Variants in PIWIL3 observed in about 807,000 individuals in gnomAD.
PIWIL3 encodes piwi like RNA-mediated gene silencing 3, also known as piwi-like protein 3.
In PIWIL3, 101 loss-of-function variants were observed where a neutral mutation model predicts 109.7. The observed-to-expected ratio is 0.92, with a 90% CI of 0.78 to 1.09. PIWIL3 has a LOEUF of 1.09. Ranked by LOEUF, PIWIL3 falls within the 50% of genes least tolerant of loss-of-function variation. PIWIL3 has a pLI of 0.00. For synonymous variants in PIWIL3, 373 were observed against 376.4 expected, an observed-to-expected ratio of 0.99 and a Z score of 0.10; for missense variants, 1,031 against 1,072.6, an observed-to-expected ratio of 0.96 and a Z score of 0.54.
At chr22:24,736,692 A>G (rs757484922) in intron 12 of PIWIL3, among the ~76,000 whole-genome samples, 2 of 151,330 alleles carry the variant, frequency 1.3e-5, no homozygotes, top group Non-Finnish European at 3.0e-5. Context: ...TGAAGGTAGG[A>G]AAAACAGTCT....
rs151267623 is a variant in PIWIL3 at position 24,746,512 on chromosome 22, C to T, written c.1449+2395G>A. ...CAAGATCTAGAATACAACAAGGATGCTCCCTGTCACCATTGTTATTCAACA... is the reference window on the plus strand; with the variant it reads ...CAAGATCTAGAATACAACAAGGATGTTCCCTGTCACCATTGTTATTCAACA... On this transcript the variant is annotated intron_variant, in intron 12 of 20. Transcript: ENST00000616349. Among the ~76,000 whole-genome samples the T allele has an allele frequency of 1.2e-4, 18 of 152,068 alleles. No homozygotes were observed. The South Asian group carries it at 1.7e-3, about 14-fold the overall frequency.
At chr22:24,723,832 G>A (rs549833288) in intron 18 of PIWIL3, among the ~76,000 whole-genome samples, 40 of 152,188 alleles carry the variant, frequency 2.6e-4, no homozygotes, top group Admixed American at 9.8e-4. Flanking sequence ...GCACCACCAC[G>A]CCTGGCTAAT....
intron 12 of PIWIL3, among the ~76,000 whole-genome samples, chr22:24,744,643 A>C (rs369395446): frequency 1.3e-5 from 2 of 152,332 alleles, no homozygotes; most frequent in East Asian, 3.9e-4. Context: ...AAACTATGAG[A>C]CAAAGAAGGT....
intron 5 of PIWIL3, 92 bp downstream of exon 5, chr22:24,756,399 C>T: frequency 3.1e-6 from 4 of 1,290,826 alleles, no homozygotes; most frequent in African/African-American, 1.5e-5. Context: ...GATGTCTCAA[C>T]AAACAACTGC....
chr22:24,730,671 T>G (rs1923298425), intron 14 of PIWIL3, among the ~76,000 whole-genome samples: 1 of 152,142 alleles, frequency 6.6e-6, no homozygotes. Context: ...CACTAAAATA[T>G]AAGATTAAAA....
chr22:24,729,573 T>TA (rs755933891), intron 14 of PIWIL3, among the ~76,000 whole-genome samples: 3 of 152,164 alleles, frequency 2.0e-5, no homozygotes, highest in Non-Finnish European at 2.9e-5. Context: ...ACTAAGCAGT[T>TA]AGGCAGACTG....
At chr22:24,767,378 A>T (rs143527631) in intron 1 of PIWIL3, among the ~76,000 whole-genome samples, 10,266 of 151,006 alleles carry the variant, frequency 0.068, 413 homozygotes, top group South Asian at 0.1. Flanking sequence ...TCTACTAAAA[A>T]AAATAAATAA....
At chr22:24,749,377 ACACT>A in intron 11 of PIWIL3, 23 bp downstream of exon 11, 3 of 1,612,082 alleles carry the variant, frequency 1.9e-6, no homozygotes, top group Non-Finnish European at 2.5e-6. Context: ...ACATGTACAC[ACACT>A]CAGCCAGAAA....
intron 14 of PIWIL3, among the ~76,000 whole-genome samples, chr22:24,733,720 A>C (rs1175300981): frequency 6.6e-6 from 1 of 152,088 alleles, no homozygotes; most frequent in South Asian, 2.1e-4. Flanking sequence ...CAACAAAAAA[A>C]AACAGGCAAG....
At chr22:24,729,328 G>A (rs1331601827) in intron 14 of PIWIL3, among the ~76,000 whole-genome samples, 1 of 152,078 alleles carries the variant, frequency 6.6e-6, no homozygotes, top group African/African-American at 2.4e-5. Context: ...ATGAAACAGA[G>A]AGCTCGGATA....
chr22:24,735,755 T>C lies in PIWIL3; in HGVS notation c.1587A>G (p.Leu529=). The C allele has an allele frequency of 6.2e-7, 1 of 1,613,834 alleles. No homozygotes were observed. Among genetic ancestry groups the C allele is most frequent in the Non-Finnish European group, 8.5e-7 (1 of 1,179,896 alleles). Residue 529 remains leucine, a synonymous_variant, in exon 13 of 21, where the codon CTA becomes CTG. Coordinates refer to ENST00000616349, the MANE Select transcript of PIWIL3 (RefSeq NM_001255975.1). The part of the protein sequence containing the change: ...HREAMSLKGH[L]QSVTAPMGIT... ...TGCCCATGGGGGCTGTGACACTCTG[T>C]AGATGACCCTTTAAGGACATGGCTT... is the stretch of plus-strand genomic sequence containing the variant.
At chr22:24,746,463 G>C (rs1447106428) in intron 12 of PIWIL3, among the ~76,000 whole-genome samples, 3 of 123,440 alleles carry the variant, frequency 2.4e-5, no homozygotes. Flanking sequence ...AGCTAGTATG[G>C]GAAAAAACTG....
At position 24,748,940 on chromosome 22, in the gene PIWIL3, C is replaced by T. The variant is rs1924538610; in HGVS notation, c.1416G>A (p.Leu472=). The change falls in exon 12 of 21, where the codon TTG becomes TTA. Residue 472 remains leucine (L), a synonymous_variant. Coordinates refer to ENST00000616349, the MANE Select transcript of PIWIL3 (RefSeq NM_001255975.1). ...TNFLSVPGRV[L]KNANIVQGRR... ...TGCCTTGCACGATGTTTGCGTTTTT[C>T]AAAACTCTTCCCGGGACGGACAAAA... is the stretch of plus-strand genomic sequence containing the variant. 1.2e-6 allele frequency: 2 copies of T among 1,613,226 alleles called. No homozygotes were observed. The highest frequency in any genetic ancestry group is 2.2e-5 in the South Asian group (2 of 90,970).
rs143068153 is a variant in PIWIL3, at chr22:24,749,426, C to A, written c.1312G>T (p.Glu438Ter). 4.6e-5 allele frequency: 74 copies of A among 1,613,878 alleles called. No homozygotes were observed. Among genetic ancestry groups the A allele is most frequent in the Middle Eastern group, 1.7e-4 (1 of 6,060 alleles). ...TACTCTTGTAGAGTATTGATGAATT[C>A]TTTTAATGTATGATGCCTTCTTCTT... ...SPRRRHHTLKEFINTLQDNKK... is the reference protein window; with the variant it reads ...SPRRRHHTLK The change falls in exon 11 of 21, where the codon GAA (glutamate) becomes TAA (stop). Residue 438 changes from glutamate to a stop codon, truncating the protein, a stop_gained. Coordinates refer to ENST00000616349, the MANE Select transcript of PIWIL3 (RefSeq NM_001255975.1). LOFTEE classifies it high-confidence loss of function.
chr22:24,764,435 T>C (rs1334436925), intron 1 of PIWIL3, among the ~76,000 whole-genome samples: 3 of 152,226 alleles, frequency 2.0e-5, no homozygotes, highest in Non-Finnish European at 2.9e-5. Flanking sequence ...GCAGCTGCTA[T>C]GACCGTCCTT....
chr22:24,737,961 G>A (rs560086527), intron 12 of PIWIL3, among the ~76,000 whole-genome samples: 1 of 152,246 alleles, frequency 6.6e-6, no homozygotes, highest in South Asian at 2.1e-4. Context: ...AGGAGGTCTG[G>A]CCAACCTGAT....
intron 7 of PIWIL3, 69 bp from the exon 8 acceptor site, chr22:24,754,286 C>T: frequency 7.3e-7 from 1 of 1,366,028 alleles, no homozygotes; most frequent in Non-Finnish European, 1.0e-6. Flanking sequence ...CAAGCCTAAG[C>T]TCTGGGTCTA....
chr22:24,762,756 C>G (rs1434384215), intron 1 of PIWIL3, among the ~76,000 whole-genome samples: 1 of 152,114 alleles, frequency 6.6e-6, no homozygotes, highest in Non-Finnish European at 1.5e-5. Context: ...TGGACAAAGA[C>G]CACATGGCAA....
At chr22:24,767,252 C>A (rs976119668) in intron 1 of PIWIL3, among the ~76,000 whole-genome samples, 1 of 151,082 alleles carries the variant, frequency 6.6e-6, no homozygotes, top group Non-Finnish European at 1.5e-5. Context: ...AAATTCCTGG[C>A]CAGCTGGGCG....
Sources: gnomAD v4.1 joint callset for allele counts (sites outside exome capture counted in the v4.1 genomes callset) on GRCh38, gnomAD v4.1.1 for gene constraint, MANE v1.5 for transcripts, NCBI Gene and HGNC (gene_info 2026-07-23, HGNC 2026-07-21) for gene names.